The following RGL1 variants were observed in gnomAD, a reference collection of about 807,000 sequenced individuals.
RGL1 encodes the protein ral guanine nucleotide dissociation stimulator like 1.
RGL1 carries 24 observed loss-of-function variants against 95.2 expected under a neutral mutation model. The ratio of observed to expected loss-of-function variants is 0.25; its 90% CI spans 0.18 to 0.35. The LOEUF (loss-of-function observed/expected upper bound fraction) is 0.35. RGL1 is among the 10% of genes least tolerant of loss of function. RGL1 has a pLI of 1.00. For synonymous variants in RGL1, 329 were observed against 344.9 expected (o/e 0.95, Z 0.51); for missense variants, 715 against 936.3 (o/e 0.76, Z 3.08).
intron 2 of RGL1, among the ~76,000 whole-genome samples, chr1:183,753,406 C>T (rs1440262361): frequency 6.6e-6 from 1 of 152,166 alleles, no homozygotes; most frequent in Admixed American, 6.5e-5. Flanking sequence ...ACTGTGAAGG[C>T]TATGAGATTT....
At chr1:183,726,124 A>C (rs1481010305) in intron 1 of RGL1, among the ~76,000 whole-genome samples, 4 of 152,182 alleles carry the variant, frequency 2.6e-5, no homozygotes, top group Non-Finnish European at 5.9e-5. Context: ...AAAAGAAGAC[A>C]CACATATCAA....
At chr1:183,883,117 T>C (rs1204451552) in intron 5 of RGL1, among the ~76,000 whole-genome samples, 2 of 152,208 alleles carry the variant, frequency 1.3e-5, no homozygotes, top group African/African-American at 4.8e-5. Context: ...GTGTGGGCTC[T>C]TCTGCTTTTT....
At chr1:183,753,199 T>G (rs1038005708) in intron 2 of RGL1, among the ~76,000 whole-genome samples, 1 of 152,214 alleles carries the variant, frequency 6.6e-6, no homozygotes, top group African/African-American at 2.4e-5. Context: ...TTATTAATCT[T>G]AGGTCTGCCT....
At chr1:183,906,798 A>G (rs540217180) in intron 13 of RGL1, among the ~76,000 whole-genome samples, 1 of 152,324 alleles carries the variant, frequency 6.6e-6, no homozygotes, top group Non-Finnish European at 1.5e-5. Flanking sequence ...TCCATATGCC[A>G]GTGGAGGTGA....
chr1:183,760,068 A>AT (rs1013621130), intron 2 of RGL1, among the ~76,000 whole-genome samples: 1 of 151,854 alleles, frequency 6.6e-6, no homozygotes, highest in African/African-American at 2.4e-5. Context: ...AGTCACATAA[A>AT]TTTTTTTTTG....
At chr1:183,897,562 AC>A (rs948454774) in intron 9 of RGL1, among the ~76,000 whole-genome samples, 1 of 150,910 alleles carries the variant, frequency 6.6e-6, no homozygotes, top group African/African-American at 2.4e-5. Flanking sequence ...AAAAAAAAAA[AC>A]AAAGTTGGGG....
chr1:183,716,827 T>A (rs1253086785), intron 1 of RGL1, among the ~76,000 whole-genome samples: 2 of 152,224 alleles, frequency 1.3e-5, no homozygotes, highest in Non-Finnish European at 2.9e-5. Flanking sequence ...TCTGTTTTGC[T>A]CTTTAAAAGA....
At position 183,883,957 on chromosome 1, in the gene RGL1, G is replaced by A. The variant is rs781573250; in HGVS notation, c.735+47G>A. On this transcript the variant is annotated intron_variant, in intron 6 of 17. Transcript: ENST00000360851. ...AGATGTACTTTCACTTAAAACATAG[G>A]GGAGTGATGGCACTGGTGCCCCGGT... 21 of 1,599,806 alleles carry A rather than the reference G, an allele frequency of 1.3e-5. No individual in the cohort carries two copies. In the East Asian group the frequency reaches 1.8e-4, roughly 14 times the overall value.
Position 183,805,315 on chromosome 1 carries a change from A to C in RGL1, c.18A>C (p.Gln6His). Residue 6 changes from glutamine to histidine, a missense_variant, in exon 1 of 18, where the codon CAA becomes CAC. By Grantham distance (24) the Gln-to-His change is conservative. Around this residue, in one of 3 missense-constraint regions of RGL1, gnomAD observed 381 missense variants for 484.8 expected, o/e 0.79. Coordinates refer to ENST00000360851, the MANE Select transcript of RGL1 (RefSeq NM_001297671.3). MKLLW[Q>H]AKMSSIQDWG... ...AACTGAGAATGAAATTGCTTTGGCA[A>C]GCTAAAATGGTAACGAGAGCTCTCT... 2 of 1,611,856 alleles carry C rather than the reference A, an allele frequency of 1.2e-6. No homozygotes were observed. Among genetic ancestry groups the C allele is most frequent in the Middle Eastern group, 1.7e-4 (1 of 6,058 alleles).
chr1:183,805,971 CTTTTTTTTTTTTTTTTTTTTTTTTTTTTT>C (rs751229707), intron 1 of RGL1, among the ~76,000 whole-genome samples: 125 of 74,662 alleles, frequency 1.7e-3, no homozygotes, highest in African/African-American at 6.0e-3. Context: ...CTTTTCTTTT[CTTTTTTTTTTTTTTTTTTTTTTTTTTTTT>C]TTTTTTTTTT....
At chr1:183,908,774 A>C (rs1668484803) in intron 14 of RGL1, among the ~76,000 whole-genome samples, 1 of 152,216 alleles carries the variant, frequency 6.6e-6, no homozygotes, top group South Asian at 2.1e-4. Flanking sequence ...TATGGCAGTC[A>C]GAGGTTCTTA....
At chr1:183,918,955 TC>T (rs1669154518) in intron 16 of RGL1, among the ~76,000 whole-genome samples, 1 of 152,188 alleles carries the variant, frequency 6.6e-6, no homozygotes, top group African/African-American at 2.4e-5. Flanking sequence ...TGGAAATAAA[TC>T]AGTCCAGGTT....
intron 1 of RGL1, among the ~76,000 whole-genome samples, chr1:183,636,697 G>T (rs1460107722): frequency 6.6e-6 from 1 of 152,008 alleles, no homozygotes; most frequent in African/African-American, 2.4e-5. Flanking sequence ...AAATGTGGAA[G>T]GATTGGTGGA....
chr1:183,728,942 A>G (rs2102224457), intron 1 of RGL1, among the ~76,000 whole-genome samples: 1 of 152,334 alleles, frequency 6.6e-6, no homozygotes, highest in East Asian at 1.9e-4. Context: ...ATTTAAATAA[A>G]TTAACATCAA....
intron 3 of RGL1, among the ~76,000 whole-genome samples, chr1:183,850,310 AT>A (rs11356618): frequency 0.36 from 54,954 of 151,970 alleles, 11,115 homozygotes; most frequent in Non-Finnish European, 0.46. Flanking sequence ...TATTTTCCTA[AT>A]TTTTCCATTC....
intron 4 of RGL1, among the ~76,000 whole-genome samples, chr1:183,875,008 T>C (rs1382020016): frequency 2.0e-5 from 3 of 152,160 alleles, no homozygotes; most frequent in Non-Finnish European, 4.4e-5. Flanking sequence ...GTTACTTCAT[T>C]GCTTGAAAGG....
chr1:183,801,140 ATT>A (rs1265093390), upstream of RGL1, among the ~76,000 whole-genome samples: 65 of 93,702 alleles, frequency 6.9e-4, no homozygotes, highest in African/African-American at 2.5e-3. Context: ...AACACTTGTT[ATT>A]TTGTGTGTGT....
intron 2 of RGL1, among the ~76,000 whole-genome samples, chr1:183,828,797 C>G (rs574743595): frequency 1.3e-5 from 2 of 152,282 alleles, no homozygotes; most frequent in Admixed American, 6.5e-5. Context: ...CTGATCTGCT[C>G]CAGTCAGGAA....
chr1:183,674,166 C>A (rs938262400), intron 1 of RGL1, among the ~76,000 whole-genome samples: 5 of 152,216 alleles, frequency 3.3e-5, no homozygotes, highest in Middle Eastern at 3.4e-3. Flanking sequence ...GAGTCCAGCT[C>A]AGGATTCACA....
Sources: gnomAD v4.1 joint callset for allele counts (sites outside exome capture counted in the v4.1 genomes callset) on GRCh38, gnomAD v4.1.1 for gene constraint, gnomAD v4.1.1 regional missense constraint, MANE v1.5 for transcripts, NCBI Gene and HGNC (gene_info 2026-07-23, HGNC 2026-07-21) for gene names.